SCFD2: variants seen among roughly 807,000 people sequenced by gnomAD.
SCFD2 encodes the protein sec1 family domain-containing protein 2.
SCFD2 carries 54 observed loss-of-function variants against 58.9 expected under a neutral mutation model. That is an observed-to-expected ratio of 0.92 (90% CI 0.74 to 1.15). The LOEUF (loss-of-function observed/expected upper bound fraction) is 1.15, where lower values mean the gene tolerates loss of function less well. Ranked by LOEUF, SCFD2 falls within the 50% of genes most tolerant of loss-of-function variation. The pLI, the probability that SCFD2 is intolerant of heterozygous loss-of-function variation, is 0.00. For synonymous variants in SCFD2, 321 were observed against 335.9 expected (o/e 0.96, Z 0.49); for missense variants, 805 against 836.6 (o/e 0.96, Z 0.47).
chr4:53,324,753 G>A (rs556557100), intron 2 of SCFD2, among the ~76,000 whole-genome samples: 1 of 152,210 alleles, frequency 6.6e-6, no homozygotes, highest in African/African-American at 2.4e-5. Flanking sequence ...ATATTGGCTG[G>A]GAGCATAAGA....
intron 4 of SCFD2, among the ~76,000 whole-genome samples, chr4:53,190,453 A>G (rs529137548): frequency 1.6e-4 from 24 of 152,194 alleles, no homozygotes; most frequent in African/African-American, 5.8e-4. Context: ...AATAGATGAT[A>G]CAAGTGGCTA....
At chr4:53,341,413 AGT>A (rs1733867813) in intron 2 of SCFD2, among the ~76,000 whole-genome samples, 1 of 152,210 alleles carries the variant, frequency 6.6e-6, no homozygotes, top group Non-Finnish European at 1.5e-5. Context: ...GAGAAAAAAG[AGT>A]GAGAAGAAAT....
chr4:53,317,418 T>G (rs1047247188), intron 2 of SCFD2, among the ~76,000 whole-genome samples: 3 of 152,208 alleles, frequency 2.0e-5, no homozygotes, highest in Admixed American at 1.3e-4. Flanking sequence ...GCATGGTAGT[T>G]AAGTCACTGC....
chr4:53,181,704 G>A (rs1487328730), intron 4 of SCFD2, among the ~76,000 whole-genome samples: 13 of 152,188 alleles, frequency 8.5e-5, no homozygotes, highest in African/African-American at 3.1e-4. Flanking sequence ...TAGGAAAAGA[G>A]GAAGTCAAAT....
chr4:53,215,243 C>A (rs1410034739), intron 4 of SCFD2, among the ~76,000 whole-genome samples: 1 of 152,074 alleles, frequency 6.6e-6, no homozygotes, highest in African/African-American at 2.4e-5. Context: ...TTACCTTGGG[C>A]AATATGGCCA....
intron 3 of SCFD2, among the ~76,000 whole-genome samples, chr4:53,279,825 G>A (rs960780743): frequency 1.3e-5 from 2 of 152,154 alleles, no homozygotes; most frequent in African/African-American, 4.8e-5. Context: ...TGGGAGGAGA[G>A]AGAAAAATGA....
intron 5 of SCFD2, among the ~76,000 whole-genome samples, chr4:53,102,214 A>G (rs1439718994): frequency 6.6e-6 from 1 of 152,214 alleles, no homozygotes; most frequent in Non-Finnish European, 1.5e-5. Context: ...GCCATTTCCA[A>G]AAGATAAATT....
intron 5 of SCFD2, among the ~76,000 whole-genome samples, chr4:52,925,066 CCTAATGTGCTAGGTACT>C (rs1286393022): frequency 6.6e-6 from 1 of 152,092 alleles, no homozygotes; most frequent in Non-Finnish European, 1.5e-5. Context: ...TCCACAGACA[CCTAATGTGCTAGGTACT>C]ATTATCATTC....
intron 5 of SCFD2, among the ~76,000 whole-genome samples, chr4:53,144,051 T>C (rs1726246305): frequency 6.6e-6 from 1 of 152,170 alleles, no homozygotes; most frequent in African/African-American, 2.4e-5. Flanking sequence ...TTATGATGTT[T>C]AATCATATTT....
chr4:53,292,732 T>C (rs574714419), intron 3 of SCFD2, among the ~76,000 whole-genome samples: 11 of 152,276 alleles, frequency 7.2e-5, no homozygotes, highest in South Asian at 4.1e-4. Context: ...AATCATTCTA[T>C]TATAAAGATA....
intron 3 of SCFD2, among the ~76,000 whole-genome samples, chr4:53,311,709 C>T (rs137908333): frequency 3.5e-3 from 526 of 151,798 alleles, no homozygotes; most frequent in African/African-American, 0.012. Flanking sequence ...AATCTCAGCT[C>T]ACTGGAACCT....
chr4:52,877,384 T>C (rs562112756), intron 8 of SCFD2, among the ~76,000 whole-genome samples: 58 of 152,186 alleles, frequency 3.8e-4, no homozygotes, highest in Non-Finnish European at 5.6e-4. Context: ...GAGGGGAGAC[T>C]GCAGGACTGA....
chr4:53,284,874 T>C (rs1311960040), intron 3 of SCFD2, among the ~76,000 whole-genome samples: 1 of 152,226 alleles, frequency 6.6e-6, no homozygotes, highest in African/African-American at 2.4e-5. Flanking sequence ...CAGCTGGGAA[T>C]TGATGTCCAT....
At chr4:53,110,165 G>C (rs1725128397) in intron 5 of SCFD2, among the ~76,000 whole-genome samples, 1 of 152,186 alleles carries the variant, frequency 6.6e-6, no homozygotes, top group Admixed American at 6.5e-5. Flanking sequence ...TTAATAAACA[G>C]TGTTGGGAAA....
intron 5 of SCFD2, among the ~76,000 whole-genome samples, chr4:53,118,897 G>A (rs1725397410): frequency 6.6e-6 from 1 of 152,060 alleles, no homozygotes; most frequent in African/African-American, 2.4e-5. Context: ...TATCACATGG[G>A]GGAACAAAAG....
intron 5 of SCFD2, among the ~76,000 whole-genome samples, chr4:53,036,237 G>A (rs1722756453): frequency 6.6e-6 from 1 of 151,512 alleles, no homozygotes; most frequent in Non-Finnish European, 1.5e-5. Context: ...CAGCCCTGGT[G>A]TGTGATGGTC....
intron 5 of SCFD2, among the ~76,000 whole-genome samples, chr4:53,139,181 C>T (rs1016686729): frequency 2.0e-5 from 3 of 152,164 alleles, no homozygotes; most frequent in African/African-American, 4.8e-5. Context: ...CTCAATGTTG[C>T]CCAGGCTGGA....
intron 4 of SCFD2, among the ~76,000 whole-genome samples, chr4:53,178,397 G>C (rs1024659292): frequency 2.0e-5 from 3 of 152,210 alleles, no homozygotes; most frequent in African/African-American, 7.2e-5. Flanking sequence ...AGGGTCTGGA[G>C]TGGACCTCTA....
chr4:53,064,327 C>T (rs1466782582), intron 5 of SCFD2, among the ~76,000 whole-genome samples: 1 of 152,006 alleles, frequency 6.6e-6, no homozygotes, highest in African/African-American at 2.4e-5. Context: ...GTATGTCCAC[C>T]AACACATACC....
Sources: gnomAD v4.1 joint callset for allele counts (sites outside exome capture counted in the v4.1 genomes callset) on GRCh38, gnomAD v4.1.1 for gene constraint, MANE v1.5 for transcripts, NCBI Gene and HGNC (gene_info 2026-07-23, HGNC 2026-07-21) for gene names.